The following CACNA1E variants were observed in gnomAD, a reference collection of about 807,000 sequenced individuals.
CACNA1E encodes voltage-dependent R-type calcium channel subunit alpha-1E.
A neutral mutation model predicts 259.2 loss-of-function variants in CACNA1E; 40 were observed. The ratio of observed to expected loss-of-function variants is 0.15; its 90% confidence interval spans 0.12 to 0.20. The LOEUF is 0.20. Ranked by LOEUF, CACNA1E falls within the 10% of genes least tolerant of loss-of-function variation. The pLI, the probability that CACNA1E is intolerant of heterozygous loss-of-function variation, is 1.00. For missense variants in CACNA1E, 1,874 were observed against 3,040.1 expected (o/e 0.62, Z 9.02); for synonymous variants, 1,104 against 1,138.5 (o/e 0.97, Z 0.61).
intron 1 of CACNA1E, among the ~76,000 whole-genome samples, chr1:181,352,921 C>T (rs950249562): frequency 1.2e-4 from 18 of 152,086 alleles, no homozygotes; most frequent in African/African-American, 4.1e-4. Context: ...GGGCCGGCTC[C>T]AGGAAGAACT....
intron 2 of CACNA1E, among the ~76,000 whole-genome samples, chr1:181,447,851 A>G (rs1256390040): frequency 1.3e-5 from 2 of 152,052 alleles, no homozygotes; most frequent in African/African-American, 4.8e-5. Flanking sequence ...GGGCTCTTTC[A>G]TGCTTCTGGA....
At chr1:181,421,833 G>A (rs1321851162) in intron 2 of CACNA1E, among the ~76,000 whole-genome samples, 1 of 152,174 alleles carries the variant, frequency 6.6e-6, no homozygotes, top group East Asian at 1.9e-4. Flanking sequence ...GCAATGGCCT[G>A]CTAACGTGTC....
intron 7 of CACNA1E, among the ~76,000 whole-genome samples, chr1:181,683,085 T>G (rs1650150814): frequency 6.6e-6 from 1 of 152,232 alleles, no homozygotes; most frequent in Non-Finnish European, 1.5e-5. Flanking sequence ...ATGTCCCATT[T>G]ATGGCATATG....
chr1:181,379,858 G>A (rs1054258980), intron 1 of CACNA1E, among the ~76,000 whole-genome samples: 4 of 151,704 alleles, frequency 2.6e-5, no homozygotes, highest in Non-Finnish European at 5.9e-5. Context: ...GCCACATAAT[G>A]GATAGAGGAA....
At chr1:181,738,246 G>C (rs1656242842) in intron 23 of CACNA1E, 121 bp from the exon 24 acceptor site, 1 of 764,476 alleles carries the variant, frequency 1.3e-6, no homozygotes, top group African/African-American at 1.7e-5. Context: ...TTGTTCTGAG[G>C]GTGCAGTGGG....
At position 181,387,064 on chromosome 1, in the gene CACNA1E, G is replaced by A. The variant is rs535838585; in HGVS notation, c.-14-26069G>A. 3.1e-4 allele frequency among the ~76,000 whole-genome samples: 47 copies of A among 152,278 alleles called. 1 individual carries two copies. The highest frequency in any genetic ancestry group is 2.9e-3 in the East Asian group (15 of 5,172). On this transcript the variant is annotated intron_variant, in intron 1 of 11. Coordinates refer to the CACNA1E transcript ENST00000524607. ...TACCAGTGTTGCAGATGGGCTGCCC[G>A]TGAGGACTGTGTGCCCCAGCCCTCC...
Position 181,557,883 on chromosome 1 carries a change from C to T in CACNA1E, c.513-19883C>T, listed in dbSNP as rs546299833. Among the ~76,000 whole-genome samples, 5 of 152,294 alleles carry T rather than the reference C, an allele frequency of 3.3e-5. No homozygotes were observed. In the South Asian group the frequency reaches 1.0e-3, roughly 32 times the overall value. On this transcript the variant is annotated intron_variant, in intron 3 of 47. Transcript: ENST00000367573. ...CTCTGGACCTGCTGTGACTGGGATT[C>T]CAGGCCTTGAATAAGATTCAGACAG...
At chr1:181,469,506 G>T (rs903483372) in intron 2 of CACNA1E, among the ~76,000 whole-genome samples, 2 of 152,130 alleles carry the variant, frequency 1.3e-5, no homozygotes, top group African/African-American at 4.8e-5. Context: ...AGGTGGAGGT[G>T]CCCATTTGAG....
Position 181,488,384 on chromosome 1 carries a change from A to G in CACNA1E, c.266+4374A>G, listed in dbSNP as rs1250896591. 3.3e-5 allele frequency among the ~76,000 whole-genome samples: 5 copies of G among 152,362 alleles called. No homozygotes were observed. In the East Asian group the frequency reaches 9.6e-4, roughly 29 times the overall value. ...GATCAGATAATGCAGAGGGGTTCATATCTTCTGTGTACCTGTGCGTGGATG... is the reference window on the plus strand; with the variant it reads ...GATCAGATAATGCAGAGGGGTTCATGTCTTCTGTGTACCTGTGCGTGGATG... On this transcript the variant is annotated intron_variant, in intron 1 of 47. Coordinates refer to ENST00000367573, the MANE Select transcript of CACNA1E (RefSeq NM_001205293.3).
chr1:181,756,807 T>G, intron 29 of CACNA1E, 118 bp from the exon 30 acceptor site: 1 of 717,710 alleles, frequency 1.4e-6, no homozygotes, highest in South Asian at 1.7e-5. Context: ...TCAAAAAAAA[T>G]TAATGGAGGA....
chr1:181,786,107 T>C (rs1660825535), intron 43 of CACNA1E, among the ~76,000 whole-genome samples: 1 of 152,196 alleles, frequency 6.6e-6, no homozygotes, highest in African/African-American at 2.4e-5. Context: ...GAGGAGATTA[T>C]TTTTCTTCAC....
At chr1:181,569,146 A>T (rs1401878885) in intron 3 of CACNA1E, among the ~76,000 whole-genome samples, 1 of 152,164 alleles carries the variant, frequency 6.6e-6, no homozygotes, top group Non-Finnish European at 1.5e-5. Context: ...GCTTATCATA[A>T]TTGAGACCTA....
At chr1:181,645,351 G>A (rs1658169772) in intron 6 of CACNA1E, among the ~76,000 whole-genome samples, 1 of 152,092 alleles carries the variant, frequency 6.6e-6, no homozygotes, top group Non-Finnish European at 1.5e-5. Context: ...TTGCATTTCA[G>A]CATAACATCC....
intron 1 of CACNA1E, among the ~76,000 whole-genome samples, chr1:181,407,254 T>C (rs1190374819): frequency 6.6e-6 from 1 of 152,054 alleles, no homozygotes. Flanking sequence ...AGAATAGAGC[T>C]TTGCAGGGAG....
intron 1 of CACNA1E, among the ~76,000 whole-genome samples, chr1:181,379,164 C>A (rs1311749898): frequency 6.6e-6 from 1 of 151,802 alleles, no homozygotes; most frequent in Admixed American, 6.6e-5. Flanking sequence ...TAAAAATATG[C>A]AAAGTAAGAC....
At chr1:181,463,508 C>A (rs1158989860) in intron 2 of CACNA1E, among the ~76,000 whole-genome samples, 1 of 152,156 alleles carries the variant, frequency 6.6e-6, no homozygotes, top group Non-Finnish European at 1.5e-5. Flanking sequence ...GTGTGCCAAT[C>A]TGATGGGTGT....
intron 2 of CACNA1E, among the ~76,000 whole-genome samples, chr1:181,434,394 AT>A (rs34732298): frequency 0.22 from 32,105 of 148,936 alleles, 3,732 homozygotes; most frequent in African/African-American, 0.31. Context: ...CTACTGGCCA[AT>A]TTTTTTTTTT....
At position 181,349,248 on chromosome 1, in the gene CACNA1E, T is replaced by TG. The variant is rs146191655; in HGVS notation, c.-15+31129dup. Among the ~76,000 whole-genome samples the TG allele has an allele frequency of 3.0e-3, 453 of 152,340 alleles. 4 individuals are homozygous for TG. Among genetic ancestry groups the TG allele is most frequent in the African/African-American group, 0.011 (439 of 41,578 alleles). ...TGGGGACAGAAACACAGGTCCCCTG[T>TG]GGGGCTTGTCCAAGGCCACAAAGGT... On this transcript the variant is annotated intron_variant, in intron 1 of 11. Coordinates refer to the CACNA1E transcript ENST00000524607.
At chr1:181,611,974 G>A (rs891181409) in intron 6 of CACNA1E, among the ~76,000 whole-genome samples, 3 of 152,138 alleles carry the variant, frequency 2.0e-5, no homozygotes, top group South Asian at 2.1e-4. Flanking sequence ...AAAAAAACAC[G>A]CAAGAGAAGA....
Sources: allele counts gnomAD v4.1 joint callset (sites outside exome capture counted in the v4.1 genomes callset), GRCh38; gene constraint gnomAD v4.1.1; transcripts MANE v1.5; gene names NCBI Gene and HGNC (gene_info 2026-07-23, HGNC 2026-07-21).